Variants in ADAM10 observed in about 807,000 individuals in gnomAD.
The protein encoded by ADAM10 is disintegrin and metalloproteinase domain-containing protein 10.
In ADAM10, 17 loss-of-function variants were observed where a neutral mutation model predicts 90.1. That is an observed-to-expected ratio of 0.19 (90% CI 0.13 to 0.28). ADAM10 has a LOEUF of 0.28. ADAM10 is among the 10% of genes least tolerant of loss of function. ADAM10 has a pLI of 1.00. For synonymous variants in ADAM10, 310 were observed against 298.6 expected, an observed-to-expected ratio of 1.04 and a Z score of -0.40; for missense variants, 610 against 914.3, an observed-to-expected ratio of 0.67 and a Z score of 4.29.
chr15:58,680,326 T>C (rs1439263676), intron 3 of ADAM10, among the ~76,000 whole-genome samples: 1 of 152,186 alleles, frequency 6.6e-6, no homozygotes, highest in Non-Finnish European at 1.5e-5. Flanking sequence ...ACTTGCTATG[T>C]TTCCTAGGCT....
chr15:58,718,470 G>A (rs374244851), intron 1 of ADAM10, among the ~76,000 whole-genome samples: 531 of 38,588 alleles, frequency 0.014, 5 homozygotes, highest in African/African-American at 0.041. Context: ...TTGGTATTGG[G>A]GTAAAAAAAA....
intron 5 of ADAM10, among the ~76,000 whole-genome samples, chr15:58,661,692 C>G (rs1451026493): frequency 6.6e-6 from 1 of 152,062 alleles, no homozygotes; most frequent in African/African-American, 2.4e-5. Flanking sequence ...TGAAATTTTT[C>G]CTAGTATCTA....
intron 9 of ADAM10, chr15:58,629,432 A>G (rs1309014958): frequency 6.6e-6 from 1 of 152,248 alleles, no homozygotes; most frequent in African/African-American, 2.4e-5. Context: ...GTAAGCAAGC[A>G]TGCCAGCTAT....
intron 1 of ADAM10, among the ~76,000 whole-genome samples, chr15:58,731,905 CAT>C (rs1899258576): frequency 2.6e-5 from 4 of 152,190 alleles, no homozygotes; most frequent in Admixed American, 6.5e-5. Context: ...CAACCACACA[CAT>C]GTGAGTCATG....
At chr15:58,629,438 G>C (rs1273701384) in intron 9 of ADAM10, 2 of 152,172 alleles carry the variant, frequency 1.3e-5, no homozygotes, top group African/African-American at 4.8e-5. Flanking sequence ...AAGCATGCCA[G>C]CTATTTGCCA....
Position 58,590,015 on chromosome 15 carries a change from T to C in ADAM10, c.*7532A>G, listed in dbSNP as rs1595972965. On this transcript the variant is annotated 3_prime_UTR_variant, in exon 16 of 16. Coordinates refer to ENST00000260408, the MANE Select transcript of ADAM10 (RefSeq NM_001110.4). ...ATCTGAATGACTAGGCTGACATACC[T>C]TTCCCCAAAGAAAAATCAGCTATCA... is the stretch of plus-strand genomic sequence containing the variant. 1.3e-5 allele frequency: 2 copies of C among 152,302 alleles called. No homozygotes were observed. The highest frequency in any genetic ancestry group is 1.9e-4 in the East Asian group (1 of 5,186). The allele number at this position is 152,302 out of a possible 1,614,324, so 9.4% of individuals were successfully genotyped here. A position where few individuals can be genotyped will look rare whatever the true frequency, so the allele number is the denominator to read the frequency against.
At chr15:58,700,328 C>A (rs543891871) in intron 2 of ADAM10, among the ~76,000 whole-genome samples, 1 of 152,196 alleles carries the variant, frequency 6.6e-6, no homozygotes, top group East Asian at 1.9e-4. Flanking sequence ...CGAGGATAGA[C>A]CATATGTTAG....
In ADAM10 at chr15:58,670,212, TAGG is replaced by T. The variant is rs1466719001; in HGVS notation, c.485-5018_485-5016del. Among the ~76,000 whole-genome samples, 8 of 146,726 alleles carry T rather than the reference TAGG, an allele frequency of 5.5e-5. No individual in the cohort carries two copies. In the South Asian group the frequency reaches 1.1e-3, roughly 20 times the overall value. ...AAATCCTGTATTAAAAAAAAAAAAA[TAGG>T]AGACATTTTTGTGAAGTAATTGGGG... On this transcript the variant is annotated intron_variant, in intron 4 of 15. Coordinates refer to ENST00000260408, the MANE Select transcript of ADAM10 (RefSeq NM_001110.4).
chr15:58,662,390 T>C (rs1284809369), intron 5 of ADAM10, among the ~76,000 whole-genome samples: 2 of 152,164 alleles, frequency 1.3e-5, no homozygotes, highest in East Asian at 3.9e-4. Flanking sequence ...TGGGGTGCCA[T>C]GGCACAATCA....
intron 1 of ADAM10, among the ~76,000 whole-genome samples, chr15:58,739,068 T>C (rs916550663): frequency 2.6e-5 from 4 of 152,114 alleles, no homozygotes; most frequent in African/African-American, 4.8e-5. Context: ...AGAACCACTA[T>C]GCCAAAGCTT....
intron 4 of ADAM10, among the ~76,000 whole-genome samples, chr15:58,670,615 A>G (rs562247867): frequency 2.0e-5 from 3 of 152,238 alleles, no homozygotes; most frequent in Admixed American, 2.0e-4. Context: ...CTAAGATATA[A>G]CTGTACATGA....
At chr15:58,739,995 T>C (rs531292430) in intron 1 of ADAM10, among the ~76,000 whole-genome samples, 2 of 152,338 alleles carry the variant, frequency 1.3e-5, no homozygotes, top group South Asian at 4.1e-4. Flanking sequence ...AATCCTAATG[T>C]GAGTGAGACA....
At chr15:58,690,886 C>CA (rs1440436510) in intron 2 of ADAM10, among the ~76,000 whole-genome samples, 1 of 152,196 alleles carries the variant, frequency 6.6e-6, no homozygotes, top group Non-Finnish European at 1.5e-5. Flanking sequence ...TGAGGATCCT[C>CA]AAGGGAGAAG....
intron 14 of ADAM10, chr15:58,610,035 C>G: frequency 4.4e-6 from 2 of 450,772 alleles, no homozygotes; most frequent in East Asian, 7.7e-5. Flanking sequence ...AAAGAAGTAA[C>G]CCATCCAGGA....
rs1214129074 is a variant in ADAM10 at position 58,720,498 on chromosome 15, T to G, written c.56-2771A>C. ...TCACCGCAAGCTCCACTTCCTGAGT[T>G]CACGCCATTCTCCCGCCTCAGCCTC... On this transcript the variant is annotated intron_variant, in intron 1 of 15. Coordinates refer to ENST00000260408, the MANE Select transcript of ADAM10 (RefSeq NM_001110.4). 2.6e-5 allele frequency among the ~76,000 whole-genome samples: 4 copies of G among 152,184 alleles called. No individual in the cohort carries two copies. The East Asian group carries it at 7.7e-4, about 29-fold the overall frequency.
intron 2 of ADAM10, chr15:58,693,258 C>A (rs1027944621): frequency 1.6e-5 from 9 of 564,812 alleles, no homozygotes; most frequent in African/African-American, 1.3e-4. Context: ...CCAAAATGCA[C>A]ACGGCACCAA....
chr15:58,703,248 T>C (rs1432506735), intron 2 of ADAM10, among the ~76,000 whole-genome samples: 1 of 147,086 alleles, frequency 6.8e-6, no homozygotes, highest in Non-Finnish European at 1.5e-5. Context: ...TATATTGCCT[T>C]ATAATGATCA....
chr15:58,607,734 A>T (rs905052330), intron 14 of ADAM10, among the ~76,000 whole-genome samples: 65 of 152,344 alleles, frequency 4.3e-4, no homozygotes, highest in African/African-American at 1.6e-3. Context: ...AAAAGAAAAA[A>T]GCCACAAAAT....
chr15:58,674,302 T>C (rs1897265030), intron 4 of ADAM10, among the ~76,000 whole-genome samples: 1 of 152,214 alleles, frequency 6.6e-6, no homozygotes, highest in Non-Finnish European at 1.5e-5. Context: ...CTAACATCAA[T>C]GCTTAGTAAA....
Sources: allele counts gnomAD v4.1 joint callset (sites outside exome capture counted in the v4.1 genomes callset), GRCh38; gene constraint gnomAD v4.1.1; transcripts MANE v1.5; gene names NCBI Gene and HGNC (gene_info 2026-07-23, HGNC 2026-07-21).